Variants in IFT52 observed in about 807,000 individuals in gnomAD.
IFT52 encodes intraflagellar transport protein 52 homolog.
In IFT52, 44 loss-of-function variants were observed where a neutral mutation model predicts 54.4. The observed-to-expected ratio is 0.81, with a 90% CI of 0.63 to 1.04. The LOEUF is 1.04. Among genes scored for constraint, IFT52 ranks in the 50% least tolerant of loss-of-function variants. The probability of loss-of-function intolerance (pLI) is 0.00; values close to 1 mark genes in which losing one functional copy is unlikely to be tolerated. For missense variants in IFT52, 452 were observed against 523.6 expected (o/e 0.86, Z 1.33); for synonymous variants, 181 against 185.3 (o/e 0.98, Z 0.19).
chr20:43,616,614 A>G (rs1291111803), intron 7 of IFT52, among the ~76,000 whole-genome samples: 1 of 151,640 alleles, frequency 6.6e-6, no homozygotes, highest in Non-Finnish European at 1.5e-5. Flanking sequence ...CCATCGCACT[A>G]CTCCAAGACT....
chr20:43,609,644 G>A (rs1481265458), intron 6 of IFT52, among the ~76,000 whole-genome samples: 1 of 151,884 alleles, frequency 6.6e-6, no homozygotes, highest in Non-Finnish European at 1.5e-5. Flanking sequence ...GGATGGTGGC[G>A]GGCACCTGTA....
At chr20:43,606,793 C>T (rs888265481) in intron 6 of IFT52, among the ~76,000 whole-genome samples, 2 of 152,232 alleles carry the variant, frequency 1.3e-5, no homozygotes, top group East Asian at 1.9e-4. Context: ...TGACTCTTAA[C>T]GAGCATGCTG....
intron 6 of IFT52, among the ~76,000 whole-genome samples, chr20:43,609,444 G>A (rs543434221): frequency 2.6e-5 from 4 of 152,236 alleles, no homozygotes; most frequent in Non-Finnish European, 5.9e-5. Context: ...ACCCCAAAAT[G>A]TATTCTGGAT....
intron 6 of IFT52, among the ~76,000 whole-genome samples, chr20:43,609,944 G>A (rs183445082): frequency 3.6e-4 from 52 of 143,150 alleles, no homozygotes; most frequent in Admixed American, 7.7e-4. Context: ...GCAAGACTCC[G>A]TCTTGAAAAA....
intron 10 of IFT52, among the ~76,000 whole-genome samples, chr20:43,634,146 C>T (rs1477578544): frequency 6.6e-6 from 1 of 151,596 alleles, no homozygotes; most frequent in Non-Finnish European, 1.5e-5. Flanking sequence ...CACTGCACTC[C>T]AGCCTGGGTG....
intron 6 of IFT52, chr20:43,605,349 C>A: frequency 1.8e-6 from 1 of 550,908 alleles, no homozygotes; most frequent in Non-Finnish European, 2.6e-6. Context: ...GAGTTAGAGA[C>A]AAGTGTAACC....
intron 7 of IFT52, among the ~76,000 whole-genome samples, chr20:43,614,188 T>C (rs1314562900): frequency 6.6e-6 from 1 of 152,180 alleles, no homozygotes; most frequent in Non-Finnish European, 1.5e-5. Flanking sequence ...CTAGCTCTTA[T>C]TATTCTAAAC....
chr20:43,607,651 T>C (rs1050876315), intron 6 of IFT52, among the ~76,000 whole-genome samples: 27 of 141,464 alleles, frequency 1.9e-4, no homozygotes, highest in Middle Eastern at 3.7e-3. Context: ...GAGACGCTCC[T>C]CACTTTCCAG....
At chr20:43,642,755 A>G in intron 13 of IFT52, 131 bp downstream of exon 13, 2 of 839,820 alleles carry the variant, frequency 2.4e-6, no homozygotes, top group South Asian at 3.6e-5. Context: ...TAGGTGAACA[A>G]AACAGACAAT....
intron 10 of IFT52, among the ~76,000 whole-genome samples, chr20:43,624,476 C>G (rs1199747586): frequency 1.3e-5 from 2 of 152,142 alleles, no homozygotes; most frequent in Non-Finnish European, 2.9e-5. Flanking sequence ...GGGCTGTGTT[C>G]TGGGCACTCT....
At position 43,637,227 on chromosome 20, in the gene IFT52, C is replaced by A; in HGVS notation, c.1094C>A (p.Ala365Glu). 6.3e-7 allele frequency: 1 copy of A among 1,583,178 alleles called. No homozygotes were observed. Residue 365 changes from alanine (A) to glutamate (E), a missense_variant, in exon 12 of 14, where the codon GCA becomes GAA. Transcript: ENST00000373030. ...GATGAAACGTTCTCCTCTGAGAAGG[C>A]ACGGCTGGCTCAGATTACCAATAAG... Reference protein sequence around the residue: ...DLDETFSSEKARLAQITNKCT... With the variant: ...DLDETFSSEKERLAQITNKCT...
rs1254996339 is a variant in IFT52, at chr20:43,645,240, T to TA, written c.1267-1689dup. On this transcript the variant is annotated intron_variant, in intron 13 of 13. Coordinates refer to ENST00000373030, the MANE Select transcript of IFT52 (RefSeq NM_016004.5). ...ACACACATAGAATTATTTTGCATAA[T>TA]AAAAAAATAACATAAAGATATTTAT... Among the ~76,000 whole-genome samples, 2 of 58,250 alleles carry TA rather than the reference T, an allele frequency of 3.4e-5. 1 individual carries two copies. The highest frequency in any genetic ancestry group is 8.2e-5 in the Non-Finnish European group (2 of 24,278). 38.2% of individuals were successfully genotyped at this position (58,250 alleles called of 152,430 possible).
At chr20:43,600,704 C>T (rs1982373606) in intron 3 of IFT52, among the ~76,000 whole-genome samples, 1 of 152,132 alleles carries the variant, frequency 6.6e-6, no homozygotes, top group African/African-American at 2.4e-5. Flanking sequence ...GGCGCAGTAG[C>T]TTACTCCTGT....
intron 5 of IFT52, 41 bp downstream of exon 5, chr20:43,604,299 T>C: frequency 2.1e-6 from 3 of 1,416,786 alleles, no homozygotes; most frequent in Non-Finnish European, 2.0e-6. Context: ...CAAGGCATCG[T>C]CGCTCACACC....
intron 6 of IFT52, among the ~76,000 whole-genome samples, chr20:43,607,312 G>A (rs1289021282): frequency 6.1e-5 from 9 of 147,516 alleles, no homozygotes; most frequent in African/African-American, 2.0e-4. Flanking sequence ...GGCGGGGGCT[G>A]ACCCCCACCT....
chr20:43,604,300 C>T (rs376945090), intron 5 of IFT52, 42 bp downstream of exon 5: 66 of 1,397,788 alleles, frequency 4.7e-5, no homozygotes, highest in East Asian at 6.9e-5. Context: ...AAGGCATCGT[C>T]GCTCACACCT....
intron 8 of IFT52, among the ~76,000 whole-genome samples, chr20:43,619,666 A>G (rs1057260623): frequency 2.0e-5 from 3 of 152,114 alleles, no homozygotes; most frequent in Admixed American, 6.6e-5. Flanking sequence ...TGATGTGGCA[A>G]ATAAAGTAAA....
chr20:43,607,354 A>T (rs1376387497), intron 6 of IFT52, among the ~76,000 whole-genome samples: 1 of 142,766 alleles, frequency 7.0e-6, no homozygotes, highest in Non-Finnish European at 1.5e-5. Context: ...CCGGGCGGAG[A>T]CGCTCCTCAC....
intron 6 of IFT52, among the ~76,000 whole-genome samples, chr20:43,613,002 CA>C (rs1278716990): frequency 6.6e-6 from 1 of 152,200 alleles, no homozygotes; most frequent in East Asian, 1.9e-4. Context: ...CTCTATCCCA[CA>C]CCCTCTCCAG....
Sources: allele counts gnomAD v4.1 joint callset (sites outside exome capture counted in the v4.1 genomes callset), GRCh38; gene constraint gnomAD v4.1.1; transcripts MANE v1.5; gene names NCBI Gene and HGNC (gene_info 2026-07-23, HGNC 2026-07-21).